OSBPL3: variants seen among roughly 807,000 people sequenced by gnomAD.
OSBPL3 encodes oxysterol binding protein like 3.
Under a neutral mutation model 120.1 loss-of-function variants are expected in OSBPL3, and 65 were observed. The ratio of observed to expected loss-of-function variants is 0.54; its 90% confidence interval spans 0.44 to 0.67. The LOEUF (loss-of-function observed/expected upper bound fraction) is 0.67, where lower values mean the gene tolerates loss of function less well. Ranked by LOEUF, OSBPL3 falls within the 30% of genes least tolerant of loss-of-function variation. The probability of loss-of-function intolerance (pLI) is 0.00; values close to 1 mark genes in which losing one functional copy is unlikely to be tolerated. For synonymous variants in OSBPL3, 416 were observed against 402.6 expected, an observed-to-expected ratio of 1.03 and a Z score of -0.40; for missense variants, 1,004 against 1,082.1, an observed-to-expected ratio of 0.93 and a Z score of 1.01.
At chr7:24,885,021 C>T (rs528327015) in intron 2 of OSBPL3, among the ~76,000 whole-genome samples, 1 of 152,108 alleles carries the variant, frequency 6.6e-6, no homozygotes, top group South Asian at 2.1e-4. Context: ...TGATGGCTCA[C>T]ACTTGTAATC....
rs765392234 is a variant in OSBPL3 at position 24,834,662 on chromosome 7, T to C, written c.1570A>G (p.Ser524Gly). ...TCLPAPCPSS[S>G]NISLWNILRN... is the part of the protein sequence containing the mutation. ...AGGATGTTCCACAGGCTGATGTTAC[T>C]GCTGCTCGGGCAGGGCGCCGGCAGG... is the stretch of plus-strand genomic sequence containing the variant. Residue 524 changes from serine to glycine, a missense_variant, in exon 15 of 23, where the codon AGT (serine) becomes GGT (glycine). This residue lies in a region of OSBPL3 where 473 missense variants were observed against 568.0 expected (regional missense o/e 0.83). Coordinates refer to ENST00000313367, the MANE Select transcript of OSBPL3 (RefSeq NM_015550.4). This position sits in a 1 kb window ranked among gnomAD's most constrained non-coding sequence, Gnocchi z 5.2. 3.1e-6 allele frequency: 5 copies of C among 1,614,210 alleles called. No homozygotes were observed. Among genetic ancestry groups the C allele is most frequent in the Non-Finnish European group, 1.7e-6 (2 of 1,180,022 alleles).
intron 2 of OSBPL3, among the ~76,000 whole-genome samples, chr7:24,885,623 T>C (rs897923262): frequency 6.6e-6 from 1 of 152,252 alleles, no homozygotes; most frequent in East Asian, 1.9e-4. Flanking sequence ...ATTTACTCTC[T>C]ATTGCTAACT....
chr7:24,924,780 T>C (rs1036464375), intron 1 of OSBPL3, among the ~76,000 whole-genome samples: 9 of 152,238 alleles, frequency 5.9e-5, no homozygotes, highest in Non-Finnish European at 1.2e-4. Flanking sequence ...ATCAGAAGGC[T>C]GTTAGATGCC....
intron 5 of OSBPL3, among the ~76,000 whole-genome samples, 191 bp from the exon 6 acceptor site, chr7:24,866,428 A>T (rs1801326848): frequency 6.6e-6 from 1 of 152,196 alleles, no homozygotes; most frequent in Non-Finnish European, 1.5e-5. Context: ...ACTTGAGCCC[A>T]GGAGTTCGAG....
At chr7:24,958,133 TAA>T (rs1044101428) in intron 1 of OSBPL3, among the ~76,000 whole-genome samples, 1 of 152,182 alleles carries the variant, frequency 6.6e-6, no homozygotes, top group Non-Finnish European at 1.5e-5. Context: ...TTTCAATTTT[TAA>T]AAAGATTGCC....
chr7:24,942,156 CT>C (rs770814036), intron 1 of OSBPL3, among the ~76,000 whole-genome samples: 6,977 of 144,250 alleles, frequency 0.048, 159 homozygotes, highest in Middle Eastern at 0.061. Flanking sequence ...TCTCAAGATG[CT>C]TTTTTTTTTT....
Position 24,960,725 on chromosome 7 carries a change from C to T in OSBPL3, c.-150+19161G>A, listed in dbSNP as rs367647768. Among the ~76,000 whole-genome samples the T allele has an allele frequency of 3.9e-5, 6 of 152,330 alleles. No homozygotes were observed. In the East Asian group the frequency reaches 9.6e-4, roughly 24 times the overall value. On this transcript the variant is annotated intron_variant, in intron 1 of 22. Transcript: ENST00000313367. Reference sequence around the variant, plus strand: ...GGGTGACTTCACAGCCAACTTTAAACTTCCTGTTGTAAAAGGAAACACAAA... The same window carrying T: ...GGGTGACTTCACAGCCAACTTTAAATTTCCTGTTGTAAAAGGAAACACAAA...
At position 24,863,787 on chromosome 7, in the gene OSBPL3, T is replaced by C. The variant is rs1487818905; in HGVS notation, c.674-188A>G. Among the ~76,000 whole-genome samples the C allele has an allele frequency of 6.6e-6, 1 of 152,208 alleles. No homozygotes were observed. Among genetic ancestry groups the C allele is most frequent in the Non-Finnish European group, 1.5e-5 (1 of 68,038 alleles). ...ACTCTAGTGGTTAAGGGCATGAATC[T>C]TGAGAACCAGGCTGCTTCAGTTTGA... On this transcript the variant is annotated intron_variant, in intron 7 of 22. Coordinates refer to ENST00000313367, the MANE Select transcript of OSBPL3 (RefSeq NM_015550.4). The surrounding 1 kb of genome is among the most constrained non-coding windows in gnomAD (Gnocchi z 5.8).
chr7:24,851,835 GGA>G lies in OSBPL3; in HGVS notation c.1158+667_1158+668del, dbSNP rs1799194769. On this transcript the variant is annotated intron_variant, in intron 11 of 22. Coordinates refer to ENST00000313367, the MANE Select transcript of OSBPL3 (RefSeq NM_015550.4). This position sits in a 1 kb window ranked among gnomAD's most constrained non-coding sequence, Gnocchi z 4.1. ...GAATTAATTGAAACTGATGAAAAAAGGAGAGAGAATGAGTGACAATGGCTGAG... is the reference window on the plus strand; with the variant it reads ...GAATTAATTGAAACTGATGAAAAAAGGAGAGAATGAGTGACAATGGCTGAG... 6.6e-6 allele frequency among the ~76,000 whole-genome samples: 1 copy of G among 152,100 alleles called. No individual in the cohort carries two copies. Among genetic ancestry groups the G allele is most frequent in the Non-Finnish European group, 1.5e-5 (1 of 68,020 alleles).
Position 24,971,111 on chromosome 7 carries a change from C to T in OSBPL3, c.-150+8775G>A, listed in dbSNP as rs554350930. 4.6e-5 allele frequency among the ~76,000 whole-genome samples: 7 copies of T among 152,354 alleles called. No individual in the cohort carries two copies. In the South Asian group the frequency reaches 1.5e-3, roughly 32 times the overall value. On this transcript the variant is annotated intron_variant, in intron 1 of 22. Coordinates refer to ENST00000313367, the MANE Select transcript of OSBPL3 (RefSeq NM_015550.4). ...GGCCCAAGGCCCCAGAGGCAGGTAC[C>T]ACAGGAACTACATCCATCCTCTGAT...
At chr7:24,962,573 A>C (rs1318691456) in intron 1 of OSBPL3, among the ~76,000 whole-genome samples, 1 of 152,170 alleles carries the variant, frequency 6.6e-6, no homozygotes, top group Non-Finnish European at 1.5e-5. Flanking sequence ...CACACGACCC[A>C]GGTGGGAACA....
chr7:24,837,783 G>A (rs1183858292), intron 14 of OSBPL3, among the ~76,000 whole-genome samples: 1 of 152,134 alleles, frequency 6.6e-6, no homozygotes, highest in African/African-American at 2.4e-5. Flanking sequence ...GTAAGTATCT[G>A]GTCCCAGAAC....
In OSBPL3 at chr7:24,959,339, T is replaced by C. The variant is rs1815453140; in HGVS notation, c.-150+20547A>G. Among the ~76,000 whole-genome samples, 1 of 152,092 alleles carries C rather than the reference T, an allele frequency of 6.6e-6. No homozygotes were observed. Among genetic ancestry groups the C allele is most frequent in the Non-Finnish European group, 1.5e-5 (1 of 67,986 alleles). On this transcript the variant is annotated intron_variant, in intron 1 of 22. Transcript: ENST00000313367. The surrounding 1 kb of genome is among the most constrained non-coding windows in gnomAD (Gnocchi z 4.3). Reference sequence around the variant, plus strand: ...AGAAAAAAAAACAAATGTTTATCAATAGTAGAATGGATAAATAAATTTTGG... The same window carrying C: ...AGAAAAAAAAACAAATGTTTATCAACAGTAGAATGGATAAATAAATTTTGG...
chr7:24,921,021 G>A (rs1415608700), intron 1 of OSBPL3, among the ~76,000 whole-genome samples: 1 of 152,180 alleles, frequency 6.6e-6, no homozygotes, highest in Non-Finnish European at 1.5e-5. Flanking sequence ...CCAAGAGGCA[G>A]CACCAGCTTA....
At position 24,939,891 on chromosome 7, in the gene OSBPL3, G is replaced by T. The variant is rs530496078; in HGVS notation, c.-150+39995C>A. On this transcript the variant is annotated intron_variant, in intron 1 of 22. Coordinates refer to ENST00000313367, the MANE Select transcript of OSBPL3 (RefSeq NM_015550.4). The surrounding 1 kb of genome is among the most constrained non-coding windows in gnomAD (Gnocchi z 4.2). ...TAGGACAAATATCTAATGCATGCAG[G>T]TCTTAAAACCTAGATGATGGGTTGG... Among the ~76,000 whole-genome samples the T allele has an allele frequency of 6.6e-6, 1 of 152,156 alleles. No individual in the cohort carries two copies. The highest frequency in any genetic ancestry group is 1.5e-5 in the Non-Finnish European group (1 of 68,034).
At position 24,937,605 on chromosome 7, in the gene OSBPL3, T is replaced by C. The variant is rs747678925; in HGVS notation, c.-150+42281A>G. 1.3e-5 allele frequency among the ~76,000 whole-genome samples: 2 copies of C among 152,216 alleles called. No homozygotes were observed. Among genetic ancestry groups the C allele is most frequent in the East Asian group, 1.9e-4 (1 of 5,206 alleles). On this transcript the variant is annotated intron_variant, in intron 1 of 22. Coordinates refer to ENST00000313367, the MANE Select transcript of OSBPL3 (RefSeq NM_015550.4). This position sits in a 1 kb window ranked among gnomAD's most constrained non-coding sequence, Gnocchi z 4.0. ...AAACAATACAGCAGTGAACAGAGCA[T>C]ACATGAGACGTCCCAATACATGTGC...
chr7:24,865,813 C>G (rs1043170064), intron 6 of OSBPL3, among the ~76,000 whole-genome samples: 1 of 152,162 alleles, frequency 6.6e-6, no homozygotes, highest in Non-Finnish European at 1.5e-5. Context: ...TCAAACCAGT[C>G]AGGATAAAGC....
At chr7:24,935,969 G>A (rs1310862903) in intron 1 of OSBPL3, among the ~76,000 whole-genome samples, 1 of 151,806 alleles carries the variant, frequency 6.6e-6, no homozygotes, top group Admixed American at 6.6e-5. Flanking sequence ...TGCCATGCTG[G>A]TGTGCTGCAC....
chr7:24,846,034 C>G (rs1283684476), intron 12 of OSBPL3, among the ~76,000 whole-genome samples: 1 of 152,088 alleles, frequency 6.6e-6, no homozygotes, highest in Admixed American at 6.5e-5. Flanking sequence ...TTGAGCTGTG[C>G]CAACCTAATT....
Sources: allele counts gnomAD v4.1 joint callset (sites outside exome capture counted in the v4.1 genomes callset), GRCh38; gene constraint gnomAD v4.1.1; regional missense constraint gnomAD v4.1.1; non-coding constraint Gnocchi (gnomAD v3.1); transcripts MANE v1.5; gene names NCBI Gene and HGNC (gene_info 2026-07-23, HGNC 2026-07-21).